Variants in WDR41 observed in about 807,000 individuals in gnomAD.
WDR41 encodes the protein WD repeat domain 41.
A neutral mutation model predicts 69.3 loss-of-function variants in WDR41; 63 were observed. The observed-to-expected ratio is 0.91, with a 90% CI of 0.74 to 1.12. WDR41 has a LOEUF of 1.12. WDR41 is among the 50% of genes most tolerant of loss of function. WDR41 has a pLI of 0.00. For missense variants in WDR41, 543 were observed against 534.5 expected (o/e 1.02, Z -0.16); for synonymous variants, 185 against 192.1 (o/e 0.96, Z 0.31).
chr5:77,440,077 T>C (rs1282856715), intron 9 of WDR41, among the ~76,000 whole-genome samples: 2 of 152,136 alleles, frequency 1.3e-5, no homozygotes, highest in African/African-American at 4.8e-5. Flanking sequence ...TACATAACAC[T>C]ACTACTGAAA....
intron 1 of WDR41, among the ~76,000 whole-genome samples, chr5:77,509,132 T>C (rs1802158431): frequency 6.6e-6 from 1 of 152,164 alleles, no homozygotes; most frequent in South Asian, 2.1e-4. Flanking sequence ...AGCTTATTGT[T>C]CTCAATATAA....
At chr5:77,539,935 T>C (rs1271422554) in intron 1 of WDR41, among the ~76,000 whole-genome samples, 1 of 152,180 alleles carries the variant, frequency 6.6e-6, no homozygotes, top group East Asian at 1.9e-4. Flanking sequence ...CTGATTAAGA[T>C]TTTTTCCTCC....
At chr5:77,434,486 G>A (rs995308797) in intron 12 of WDR41, among the ~76,000 whole-genome samples, 5 of 151,866 alleles carry the variant, frequency 3.3e-5, no homozygotes, top group Non-Finnish European at 7.4e-5. Flanking sequence ...AGTAGAGCAA[G>A]GATGAAAATA....
In WDR41 at chr5:77,437,330, A is replaced by G; in HGVS notation, c.1093+6T>C. The G allele has an allele frequency of 1.2e-6, 2 of 1,612,770 alleles. No homozygotes were observed. Among genetic ancestry groups the G allele is most frequent in the Non-Finnish European group, 1.7e-6 (2 of 1,179,062 alleles). On this transcript the variant is annotated splice_donor_region_variant and intron_variant, in intron 11 of 12. Coordinates refer to ENST00000296679, the MANE Select transcript of WDR41 (RefSeq NM_018268.4). ...AAAGACTACCTTTTTGAGAGAAGAC[A>G]CACACCTGTTGGTACAGGCTCAGCT...
chr5:77,592,126 A>T (rs1453980380), intron 1 of WDR41, among the ~76,000 whole-genome samples: 1 of 152,114 alleles, frequency 6.6e-6, no homozygotes, highest in Non-Finnish European at 1.5e-5. Flanking sequence ...AGTAAAGTCT[A>T]CTTTATCTGG....
At chr5:77,599,415 G>A (rs1213158929) in intron 1 of WDR41, among the ~76,000 whole-genome samples, 1 of 151,944 alleles carries the variant, frequency 6.6e-6, no homozygotes, top group Non-Finnish European at 1.5e-5. Flanking sequence ...GGCTAGGCTG[G>A]TCTTGAACTC....
chr5:77,500,220 C>T (rs1207886724), intron 1 of WDR41, among the ~76,000 whole-genome samples: 3 of 152,110 alleles, frequency 2.0e-5, no homozygotes, highest in Non-Finnish European at 2.9e-5. Context: ...CATTAAAACA[C>T]AATGTATCAG....
chr5:77,546,665 C>T (rs148535205), intron 1 of WDR41, among the ~76,000 whole-genome samples: 3,342 of 152,168 alleles, frequency 0.022, 45 homozygotes, highest in Non-Finnish European at 0.035. Flanking sequence ...CAGGACCAGA[C>T]GGATTCACAG....
chr5:77,543,888 C>A (rs1284086630), intron 1 of WDR41, among the ~76,000 whole-genome samples: 1 of 152,030 alleles, frequency 6.6e-6, no homozygotes, highest in Non-Finnish European at 1.5e-5. Flanking sequence ...AGAAAAAAAT[C>A]TTAAGAGCTG....
chr5:77,572,895 C>T (rs13355409), intron 1 of WDR41, among the ~76,000 whole-genome samples: 10,410 of 152,262 alleles, frequency 0.068, 483 homozygotes, highest in Admixed American at 0.14. Context: ...TCAAACCCAA[C>T]GGTGATGTAT....
intron 2 of WDR41, among the ~76,000 whole-genome samples, chr5:77,471,294 T>C (rs1184303473): frequency 6.6e-6 from 1 of 152,174 alleles, no homozygotes; most frequent in African/African-American, 2.4e-5. Context: ...GAGGGAAATT[T>C]ATAGCACTAA....
chr5:77,488,500 G>A (rs1036460772), intron 2 of WDR41, among the ~76,000 whole-genome samples: 8 of 149,794 alleles, frequency 5.3e-5, no homozygotes, highest in Non-Finnish European at 1.0e-4. Context: ...ATAGACAGCA[G>A]AAGTGGTGGT....
intron 12 of WDR41, among the ~76,000 whole-genome samples, chr5:77,434,226 G>A (rs944776987): frequency 3.9e-5 from 6 of 152,044 alleles, no homozygotes; most frequent in South Asian, 2.1e-4. Flanking sequence ...AAAGAGAATC[G>A]CTTGAACCCA....
At chr5:77,456,431 A>G (rs1799835006) in intron 5 of WDR41, among the ~76,000 whole-genome samples, 1 of 152,238 alleles carries the variant, frequency 6.6e-6, no homozygotes, top group African/African-American at 2.4e-5. Context: ...TTGATATTAT[A>G]TCCTGAAACC....
intron 1 of WDR41, among the ~76,000 whole-genome samples, chr5:77,523,539 A>G (rs1282794971): frequency 3.3e-5 from 5 of 151,882 alleles, no homozygotes; most frequent in African/African-American, 1.2e-4. Flanking sequence ...TCAGTAAAGT[A>G]TACTAGTGCC....
intron 1 of WDR41, among the ~76,000 whole-genome samples, chr5:77,564,597 G>C (rs55650563): frequency 0.13 from 20,095 of 151,930 alleles, 1,499 homozygotes; most frequent in African/African-American, 0.18. Flanking sequence ...CTTTTACTGC[G>C]CAATGGTAGA....
At chr5:77,503,922 C>A (rs10058455) in intron 1 of WDR41, among the ~76,000 whole-genome samples, 37,131 of 151,880 alleles carry the variant, frequency 0.24, 5,420 homozygotes, top group Non-Finnish European at 0.33. Flanking sequence ...CAAGGGAAAG[C>A]AGGAAAGATC....
At chr5:77,458,308 A>G (rs770821878) in intron 5 of WDR41, among the ~76,000 whole-genome samples, 2 of 152,138 alleles carry the variant, frequency 1.3e-5, no homozygotes, top group Non-Finnish European at 2.9e-5. Context: ...TTGGGAAAAG[A>G]TCAACTATTC....
chr5:77,515,158 A>G (rs1802274486), intron 1 of WDR41, among the ~76,000 whole-genome samples: 1 of 152,138 alleles, frequency 6.6e-6, no homozygotes, highest in Non-Finnish European at 1.5e-5. Context: ...ACTTTTAATA[A>G]CACATCTTAA....
Sources: allele counts gnomAD v4.1 joint callset (sites outside exome capture counted in the v4.1 genomes callset), GRCh38; gene constraint gnomAD v4.1.1; transcripts MANE v1.5; gene names NCBI Gene and HGNC (gene_info 2026-07-23, HGNC 2026-07-21).